The following POLA1 variants were observed in gnomAD, a reference collection of about 807,000 sequenced individuals.
POLA1 encodes the protein DNA polymerase alpha catalytic subunit.
In POLA1, 15 loss-of-function variants were observed where a neutral mutation model predicts 124.0. That is an observed-to-expected ratio of 0.12 (90% confidence interval 0.08 to 0.19). The LOEUF is 0.19. Ranked by LOEUF, POLA1 falls within the 10% of genes least tolerant of loss-of-function variation. POLA1 has a pLI of 1.00. For synonymous variants in POLA1, 408 were observed against 389.4 expected, an observed-to-expected ratio of 1.05 and a Z score of -0.56; for missense variants, 886 against 1,103.4, an observed-to-expected ratio of 0.80 and a Z score of 2.79.
At chrX:24,971,301 C>T (rs1286356521) in intron 36 of POLA1, among the ~76,000 whole-genome samples, 1 of 112,222 alleles carries the variant, frequency 8.9e-6, no homozygotes, top group African/African-American at 3.2e-5. Flanking sequence ...ATGCCCCTTA[C>T]ACCTGACCTG....
chrX:24,953,361 A>G (rs2048070265), intron 36 of POLA1, among the ~76,000 whole-genome samples: 1 of 112,387 alleles, frequency 8.9e-6, no homozygotes, highest in Non-Finnish European at 1.9e-5. Flanking sequence ...ATCTGTTCTC[A>G]TGGCACATTC....
chrX:24,884,230 C>T (rs2047037611), intron 34 of POLA1, among the ~76,000 whole-genome samples: 1 of 111,353 alleles, frequency 9.0e-6, no homozygotes, highest in Admixed American at 9.6e-5. Context: ...CTCACTGCAG[C>T]CTTGACTTCC....
At chrX:24,709,137 C>T (rs1342081627) in intron 4 of POLA1, among the ~76,000 whole-genome samples, 1 of 71,167 alleles carries the variant, frequency 1.4e-5, no homozygotes, top group Non-Finnish European at 2.8e-5. Context: ...CCAGTAGGGG[C>T]GGCCGGGCAG....
In POLA1 at chrX:24,884,073, A is replaced by G. The variant is rs749388476; in HGVS notation, c.4048-3933A>G. 1.1e-4 allele frequency among the ~76,000 whole-genome samples: 12 copies of G among 112,039 alleles called. No homozygotes were observed. The South Asian group carries it at 4.1e-3, about 38-fold the overall frequency. Reference sequence around the variant, plus strand: ...TTGTTTTTGTCATTTTTAAGAAACAAAATTCAGTATGAGATCTTATAAGAT... The same window carrying G: ...TTGTTTTTGTCATTTTTAAGAAACAGAATTCAGTATGAGATCTTATAAGAT... On this transcript the variant is annotated intron_variant, in intron 34 of 36. Transcript: ENST00000379068.
chrX:24,933,900 C>T lies in POLA1; in HGVS notation c.4261+3351C>T, dbSNP rs184129451. On this transcript the variant is annotated intron_variant, in intron 36 of 36. Coordinates refer to ENST00000379068, the MANE Select transcript of POLA1 (RefSeq NM_001330360.2). ...TAAAATGGTAAAGGACTGTTATTCA[C>T]GTTGGTGAAGTGTTTACTGCATATT... Among the ~76,000 whole-genome samples the T allele has an allele frequency of 1.2e-4, 13 of 112,346 alleles. 1 individual carries two copies. The highest frequency in any genetic ancestry group is 4.2e-4 in the African/African-American group (13 of 30,971).
At chrX:24,788,794 A>G (rs1334650883) in intron 26 of POLA1, 42 of 1,199,258 alleles carry the variant, frequency 3.5e-5, no homozygotes, top group Non-Finnish European at 4.5e-5. Context: ...TACTATCTGT[A>G]GCTCCACTTC....
At chrX:24,859,283 G>A (rs141738304) in intron 34 of POLA1, among the ~76,000 whole-genome samples, 9 of 111,405 alleles carry the variant, frequency 8.1e-5, no homozygotes, top group African/African-American at 2.6e-4. Flanking sequence ...ATTCAGATTT[G>A]GGAGCACTGC....
At chrX:24,809,979 A>T (rs747507726) in intron 27 of POLA1, 49 bp downstream of exon 27, 1 of 800,146 alleles carries the variant, frequency 1.2e-6, no homozygotes, top group Non-Finnish European at 1.8e-6. Flanking sequence ...CATAACTGGT[A>T]ACGTTTTTGT....
chrX:24,983,766 G>A (rs1017024591), intron 36 of POLA1, among the ~76,000 whole-genome samples: 2 of 111,981 alleles, frequency 1.8e-5, no homozygotes, highest in Non-Finnish European at 3.8e-5. Flanking sequence ...ATTTGCTAGT[G>A]CCATCTAGAT....
At chrX:24,906,098 G>A (rs183656836) in intron 35 of POLA1, among the ~76,000 whole-genome samples, 3 of 111,929 alleles carry the variant, frequency 2.7e-5, no homozygotes, top group Non-Finnish European at 5.6e-5. Context: ...AAACAGTATG[G>A]AGATTCCTTA....
rs1169987670 is a variant in POLA1 at position 24,719,559 on chromosome X, C to T, written c.1087+1801C>T. Among the ~76,000 whole-genome samples the T allele has an allele frequency of 2.7e-5, 3 of 111,621 alleles. No individual in the cohort carries two copies. The South Asian group carries it at 1.1e-3, about 42-fold the overall frequency. ...TGATTTCCCATCCATTGCTGAAACC[C>T]AGGGCTGCCCCATTGTACAACCTCA... is the stretch of plus-strand genomic sequence containing the variant. On this transcript the variant is annotated intron_variant, in intron 10 of 36. Coordinates refer to ENST00000379068, the MANE Select transcript of POLA1 (RefSeq NM_001330360.2).
intron 26 of POLA1, among the ~76,000 whole-genome samples, chrX:24,775,747 T>G (rs1048214284): frequency 2.8e-4 from 31 of 112,329 alleles, no homozygotes; most frequent in Non-Finnish European, 5.6e-5. Context: ...TGTTTACTCT[T>G]GTGTTGTGTT....
intron 36 of POLA1, among the ~76,000 whole-genome samples, chrX:24,946,667 G>T (rs1343274679): frequency 1.8e-5 from 2 of 111,437 alleles, no homozygotes; most frequent in African/African-American, 6.5e-5. Context: ...TGATCTCTTT[G>T]TCCTCTAAAC....
chrX:24,741,422 C>T lies in POLA1; in HGVS notation c.2264C>T (p.Ala755Val). 1 of 1,195,211 alleles carries T rather than the reference C, an allele frequency of 8.4e-7. No individual in the cohort carries two copies. The highest frequency in any genetic ancestry group is 1.1e-6 in the Non-Finnish European group (1 of 880,701). Residue 755 changes from alanine to valine, a missense_variant, in exon 21 of 37, where the codon GCC becomes GTC. Physicochemically the swap from Ala to Val is moderately conservative, Grantham distance 64 (BLOSUM62 0). Transcript: ENST00000379068. ...CTGTTGGAACACACCTGGAAAGATGCCAAGTTCATTTTGCAGATCATGTGT... is the reference window on the plus strand; with the variant it reads ...CTGTTGGAACACACCTGGAAAGATGTCAAGTTCATTTTGCAGATCATGTGT... The part of the protein sequence containing the change: ...LYLLEHTWKD[A>V]KFILQIMCEL...
intron 10 of POLA1, among the ~76,000 whole-genome samples, chrX:24,719,376 G>C (rs926354301): frequency 8.9e-6 from 1 of 111,964 alleles, no homozygotes; most frequent in African/African-American, 3.2e-5. Flanking sequence ...ACACTGCCAT[G>C]TGTTAGTTTC....
At chrX:24,890,687 T>C (rs1321220469) in intron 35 of POLA1, among the ~76,000 whole-genome samples, 1 of 112,626 alleles carries the variant, frequency 8.9e-6, no homozygotes, top group East Asian at 2.8e-4. Flanking sequence ...TTGGACACTA[T>C]CATTTATTTT....
intron 36 of POLA1, among the ~76,000 whole-genome samples, chrX:24,958,038 C>T (rs1258097253): frequency 9.0e-6 from 1 of 110,509 alleles, no homozygotes; most frequent in African/African-American, 3.3e-5. Context: ...CTGAGAACCT[C>T]TAGCCTCAGC....
intron 26 of POLA1, among the ~76,000 whole-genome samples, chrX:24,796,030 A>G (rs1212073334): frequency 1.8e-5 from 2 of 111,394 alleles, no homozygotes; most frequent in Non-Finnish European, 1.9e-5. Flanking sequence ...CTGCTAGCAA[A>G]TGGCACCAAA....
Position 24,890,233 on chromosome X carries a change from G to A in POLA1, c.4164+2111G>A, listed in dbSNP as rs192455201. Among the ~76,000 whole-genome samples, 8 of 109,939 alleles carry A rather than the reference G, an allele frequency of 7.3e-5. No homozygotes were observed. In the East Asian group the frequency reaches 8.6e-4, roughly 12 times the overall value. ...CTCCCGAGTAGCTGGGACTACAGGC[G>A]CGTGCCACCATGCCTGGCTAGTTTT... On this transcript the variant is annotated intron_variant, in intron 35 of 36. Transcript: ENST00000379068.
Sources: allele counts gnomAD v4.1 joint callset (sites outside exome capture counted in the v4.1 genomes callset), GRCh38; gene constraint gnomAD v4.1.1; transcripts MANE v1.5; gene names NCBI Gene and HGNC (gene_info 2026-07-23, HGNC 2026-07-21).